Variants in PPP2R2B observed in about 807,000 individuals in gnomAD.
PPP2R2B encodes the protein protein phosphatase 2 regulatory subunit Bbeta.
Under a neutral mutation model 46.0 loss-of-function variants are expected in PPP2R2B, and 5 were observed. That is an observed-to-expected ratio of 0.11 (90% CI 0.06 to 0.23). The LOEUF (loss-of-function observed/expected upper bound fraction) is 0.23, where lower values mean the gene tolerates loss of function less well. Among genes scored for constraint, PPP2R2B ranks in the 10% least tolerant of loss-of-function variants. The probability of loss-of-function intolerance (pLI) is 1.00; values close to 1 mark genes in which losing one functional copy is unlikely to be tolerated. For missense variants in PPP2R2B, 367 were observed against 575.0 expected, an observed-to-expected ratio of 0.64 and a Z score of 3.70; for synonymous variants, 215 against 206.7, an observed-to-expected ratio of 1.04 and a Z score of -0.34.
At chr5:146,959,626 G>A (rs563661564) in intron 1 of PPP2R2B, among the ~76,000 whole-genome samples, 1 of 152,316 alleles carries the variant, frequency 6.6e-6, no homozygotes, top group Non-Finnish European at 1.5e-5. Context: ...ATGAGACAGA[G>A]AGGACAATGG....
intron 1 of PPP2R2B, among the ~76,000 whole-genome samples, chr5:146,942,443 A>G (rs1764350603): frequency 6.6e-6 from 1 of 152,222 alleles, no homozygotes; most frequent in South Asian, 2.1e-4. Flanking sequence ...AGATGTCTAC[A>G]GTTTTGTGCA....
chr5:146,857,344 T>A (rs913474355), intron 2 of PPP2R2B, among the ~76,000 whole-genome samples: 1 of 152,114 alleles, frequency 6.6e-6, no homozygotes, highest in African/African-American at 2.4e-5. Flanking sequence ...TTAAAAAAAA[T>A]TAGGCCTTAA....
chr5:146,713,183 G>A (rs952284910), intron 2 of PPP2R2B, among the ~76,000 whole-genome samples: 6 of 152,180 alleles, frequency 3.9e-5, no homozygotes, highest in African/African-American at 1.4e-4. Context: ...AGGCGTTCAC[G>A]ATGCAGGTAT....
upstream of PPP2R2B, among the ~76,000 whole-genome samples, chr5:147,057,979 A>G (rs926224188): frequency 1.3e-5 from 2 of 152,162 alleles, no homozygotes; most frequent in African/African-American, 4.8e-5. Context: ...TTTAATTACT[A>G]TTGTCTATAA....
intron 1 of PPP2R2B, among the ~76,000 whole-genome samples, chr5:146,933,993 A>C (rs926248319): frequency 6.6e-6 from 1 of 152,028 alleles, no homozygotes; most frequent in African/African-American, 2.4e-5. Flanking sequence ...CATCCATGTC[A>C]CTACAAAGGA....
chr5:146,783,043 A>C (rs890256184), intron 2 of PPP2R2B, among the ~76,000 whole-genome samples: 3 of 152,220 alleles, frequency 2.0e-5, no homozygotes, highest in Non-Finnish European at 4.4e-5. Context: ...AAAAGTAAGT[A>C]GGTATAGGAA....
At chr5:146,707,310 C>T (rs1363477518) in intron 2 of PPP2R2B, 5 of 1,266,808 alleles carry the variant, frequency 3.9e-6, no homozygotes, top group South Asian at 3.6e-5. Context: ...AGGAGGCAAA[C>T]TTGTTGTTGA....
At chr5:146,820,246 G>A (rs564649644) in intron 2 of PPP2R2B, among the ~76,000 whole-genome samples, 1 of 152,250 alleles carries the variant, frequency 6.6e-6, no homozygotes, top group South Asian at 2.1e-4. Context: ...GAGGTGATAT[G>A]TTAATTACCC....
intron 1 of PPP2R2B, among the ~76,000 whole-genome samples, chr5:147,010,209 C>T (rs1037433138): frequency 2.6e-5 from 4 of 152,128 alleles, no homozygotes; most frequent in Non-Finnish European, 5.9e-5. Context: ...TTACTGAGTA[C>T]ATGAACTACT....
intron 2 of PPP2R2B, 80 bp downstream of exon 2, chr5:146,877,922 G>T: frequency 4.0e-6 from 6 of 1,501,736 alleles, no homozygotes; most frequent in Non-Finnish European, 5.4e-6. Flanking sequence ...CCGCCACTAC[G>T]CGCCCAGCTG....
intron 1 of PPP2R2B, among the ~76,000 whole-genome samples, chr5:146,963,958 C>T (rs1752293452): frequency 6.6e-6 from 1 of 152,212 alleles, no homozygotes; most frequent in South Asian, 2.1e-4. Context: ...AAAGACAGCT[C>T]TCTATTATGA....
chr5:146,973,944 TCCATCCTAGGC>T (rs1046642747), intron 1 of PPP2R2B, among the ~76,000 whole-genome samples: 16 of 152,186 alleles, frequency 1.1e-4, no homozygotes, highest in Non-Finnish European at 1.6e-4. Flanking sequence ...TCCCCAGAGT[TCCATCCTAGGC>T]CCATCCTTCT....
intron 5 of PPP2R2B, among the ~76,000 whole-genome samples, chr5:146,656,036 A>G (rs1455098014): frequency 6.6e-6 from 1 of 152,192 alleles, no homozygotes; most frequent in Admixed American, 6.5e-5. Flanking sequence ...TGATTTAGTT[A>G]TTCATTCAAC....
At chr5:146,689,651 C>T (rs576688671) in intron 5 of PPP2R2B, among the ~76,000 whole-genome samples, 23 of 152,224 alleles carry the variant, frequency 1.5e-4, no homozygotes, top group Admixed American at 4.6e-4. Flanking sequence ...AGGTCACTAG[C>T]GGAAAGTAAC....
At chr5:146,712,312 G>A (rs1780256769) in intron 2 of PPP2R2B, among the ~76,000 whole-genome samples, 1 of 152,048 alleles carries the variant, frequency 6.6e-6, no homozygotes, top group Non-Finnish European at 1.5e-5. Flanking sequence ...TATAAAGTAT[G>A]CTCTCTTTTG....
intron 6 of PPP2R2B, among the ~76,000 whole-genome samples, chr5:146,639,083 C>T (rs1330526406): frequency 1.3e-5 from 2 of 152,196 alleles, no homozygotes; most frequent in Admixed American, 6.5e-5. Context: ...GCTCCATGTG[C>T]ATAAAGAAAC....
intron 1 of PPP2R2B, among the ~76,000 whole-genome samples, chr5:147,016,829 C>T (rs989698344): frequency 6.6e-6 from 1 of 151,576 alleles, no homozygotes. Context: ...ATGATATATG[C>T]TGGATTTCAT....
chr5:147,006,624 A>G (rs925114310), intron 1 of PPP2R2B, among the ~76,000 whole-genome samples: 3 of 152,138 alleles, frequency 2.0e-5, no homozygotes, highest in African/African-American at 7.2e-5. Flanking sequence ...AGGATTTCTC[A>G]GACAGTTTGC....
At chr5:146,895,410 A>C (rs1461291392) in intron 1 of PPP2R2B, among the ~76,000 whole-genome samples, 2 of 152,160 alleles carry the variant, frequency 1.3e-5, no homozygotes, top group Non-Finnish European at 2.9e-5. Context: ...TTCCTCCAAT[A>C]CTCAGTAAGC....
Sources: allele counts gnomAD v4.1 joint callset (sites outside exome capture counted in the v4.1 genomes callset), GRCh38; gene constraint gnomAD v4.1.1; transcripts MANE v1.5; gene names NCBI Gene and HGNC (gene_info 2026-07-23, HGNC 2026-07-21).